The following CUBN variants were observed in gnomAD, a reference collection of about 807,000 sequenced individuals.
CUBN encodes cubilin.
Under a neutral mutation model 405.3 loss-of-function variants are expected in CUBN, and 282 were observed. The ratio of observed to expected loss-of-function variants is 0.70; its 90% CI spans 0.63 to 0.77. The LOEUF (loss-of-function observed/expected upper bound fraction) is 0.77. CUBN is among the 30% of genes least tolerant of loss of function. CUBN has a pLI of 0.00. For synonymous variants in CUBN, 1,684 were observed against 1,617.0 expected, an observed-to-expected ratio of 1.04 and a Z score of -0.99; for missense variants, 4,514 against 4,475.2, an observed-to-expected ratio of 1.01 and a Z score of -0.25.
intron 31 of CUBN, chr10:16,966,006 T>G: frequency 2.1e-6 from 1 of 471,100 alleles, no homozygotes; most frequent in South Asian, 1.5e-5. Context: ...CAAGTTGTAT[T>G]CATTCAGTTA....
chr10:16,898,060 T>TTATATG (rs1303110352), intron 54 of CUBN, among the ~76,000 whole-genome samples: 6 of 50,548 alleles, frequency 1.2e-4, no homozygotes, highest in African/African-American at 4.0e-4. Flanking sequence ...ATGTATTTTA[T>TTATATG]TATATGTATA....
chr10:17,054,670 G>A (rs1016571124), intron 22 of CUBN, among the ~76,000 whole-genome samples: 1 of 151,866 alleles, frequency 6.6e-6, no homozygotes, highest in African/African-American at 2.4e-5. Context: ...TAAAATAATA[G>A]AAAGACACCA....
intron 28 of CUBN, among the ~76,000 whole-genome samples, chr10:17,014,431 C>T (rs560825341): frequency 3.3e-5 from 5 of 152,218 alleles, no homozygotes; most frequent in Admixed American, 2.0e-4. Flanking sequence ...TATAGAGGGG[C>T]CTGGCTATCT....
intron 28 of CUBN, among the ~76,000 whole-genome samples, chr10:17,018,415 G>A (rs989060261): frequency 1.3e-5 from 2 of 152,224 alleles, no homozygotes; most frequent in East Asian, 1.9e-4. Context: ...TCCGGATTTT[G>A]TTTGTTCAGA....
intron 17 of CUBN, among the ~76,000 whole-genome samples, chr10:17,077,138 T>C (rs753973321): frequency 3.9e-5 from 6 of 152,206 alleles, no homozygotes; most frequent in Non-Finnish European, 5.9e-5. Context: ...CAATTCAAAA[T>C]TCTAGTGTTT....
intron 36 of CUBN, among the ~76,000 whole-genome samples, chr10:16,941,042 G>C (rs1842637496): frequency 6.6e-6 from 1 of 152,172 alleles, no homozygotes; most frequent in African/African-American, 2.4e-5. Flanking sequence ...GATGTTCATA[G>C]GTAACATATC....
chr10:17,023,199 G>C (rs1283835383), intron 27 of CUBN, among the ~76,000 whole-genome samples: 1 of 67,426 alleles, frequency 1.5e-5, no homozygotes, highest in Admixed American at 1.8e-4. Flanking sequence ...AGTACTGGGT[G>C]GGGGTGGAGG....
In CUBN at chr10:17,115,635, C is replaced by T. The variant is rs181746928; in HGVS notation, c.594-38G>A. 8,864 of 1,612,684 alleles carry T rather than the reference C, an allele frequency of 5.5e-3. 34 individuals are homozygous for T. The highest frequency in any genetic ancestry group is 6.8e-3 in the Non-Finnish European group (7,997 of 1,178,714). On this transcript the variant is annotated intron_variant, in intron 6 of 66. Transcript: ENST00000377833. ...CAAGAGCACAATGTCAGGGCACGCG[C>T]TTTGGGGCCAGTGCCTGTCTCTTAA... is the stretch of plus-strand genomic sequence containing the variant.
chr10:16,891,587 A>G (rs995358597), intron 54 of CUBN, among the ~76,000 whole-genome samples: 4 of 152,214 alleles, frequency 2.6e-5, no homozygotes, highest in African/African-American at 9.6e-5. Context: ...AATAGGAGTC[A>G]GAAAGGATGC....
At chr10:16,864,095 C>T (rs1004691845) in intron 59 of CUBN, among the ~76,000 whole-genome samples, 2 of 152,114 alleles carry the variant, frequency 1.3e-5, no homozygotes. Context: ...ATTATTATAT[C>T]TCATTATAAA....
chr10:16,971,386 G>T (rs1030430441), intron 31 of CUBN, among the ~76,000 whole-genome samples: 1 of 152,196 alleles, frequency 6.6e-6, no homozygotes, highest in African/African-American at 2.4e-5. Flanking sequence ...CAAGCTTCCA[G>T]CCTTGCCAGG....
At position 17,047,536 on chromosome 10, in the gene CUBN, G is replaced by A. The variant is rs1279551852; in HGVS notation, c.3207C>T (p.Pro1069=). 5 of 1,613,882 alleles carry A rather than the reference G, an allele frequency of 3.1e-6. No homozygotes were observed. Among genetic ancestry groups the A allele is most frequent in the Non-Finnish European group, 4.2e-6 (5 of 1,179,902 alleles). The change falls in exon 23 of 67, where the codon CCC becomes CCT. Residue 1069 remains proline, a synonymous_variant. Coordinates refer to ENST00000377833, the MANE Select transcript of CUBN (RefSeq NM_001081.4). The part of the protein sequence containing the change: ...FTSPNFPNNY[P]NNWECIYRIT... The stretch of plus-strand genomic sequence containing the variant: ...TCCGATAAATGCATTCCCAGTTGTT[G>A]GGATAATTATTGGGGAAGTTTGGAG...
chr10:16,970,232 C>T (rs41526049), intron 31 of CUBN, among the ~76,000 whole-genome samples: 30,207 of 152,166 alleles, frequency 0.2, 3,139 homozygotes, highest in African/African-American at 0.21. Flanking sequence ...TAACACTTTT[C>T]CTTCTATTGA....
intron 64 of CUBN, 38 bp from the exon 65 acceptor site, chr10:16,831,455 T>A: frequency 1.3e-6 from 2 of 1,553,864 alleles, no homozygotes; most frequent in South Asian, 1.1e-5. Context: ...ACTTACACTT[T>A]CTTCTCTAAG....
intron 60 of CUBN, among the ~76,000 whole-genome samples, chr10:16,843,542 C>G (rs1302693999): frequency 6.6e-6 from 1 of 152,194 alleles, no homozygotes; most frequent in African/African-American, 2.4e-5. Context: ...ATCTTCACCC[C>G]TTTGTTTCAT....
Position 17,068,690 on chromosome 10 carries a change from C to A in CUBN, c.2706G>T (p.Val902=), listed in dbSNP as rs375569366. The A allele has an allele frequency of 6.2e-7, 1 of 1,612,198 alleles. No homozygotes were observed. Among genetic ancestry groups the A allele is most frequent in the Non-Finnish European group, 8.5e-7 (1 of 1,178,596 alleles). The stretch of plus-strand genomic sequence containing the variant: ...CGAATGTGACATAAAGAAAATTGTA[C>A]ACAGATGTTATAAATGAAGGTATGT... The part of the protein sequence containing the change: ...GTDIPSFITS[V]YNFLYVTFVK... Residue 902 remains valine (V), a synonymous_variant, in exon 20 of 67, where the codon GTG becomes GTT. Transcript: ENST00000377833.
At chr10:16,979,569 C>T (rs1833204302) in intron 31 of CUBN, among the ~76,000 whole-genome samples, 2 of 152,078 alleles carry the variant, frequency 1.3e-5, no homozygotes, top group South Asian at 4.1e-4. Flanking sequence ...TTTAACAAAC[C>T]TGACAAAAAC....
chr10:16,913,894 C>A lies in CUBN; in HGVS notation c.7450G>T (p.Ala2484Ser). The change falls in exon 48 of 67, where the codon GCC becomes TCC. Residue 2484 changes from alanine (A) to serine (S), a missense_variant. Physicochemically the swap from Ala to Ser is moderately conservative, Grantham distance 99 (BLOSUM62 1). Around this residue, in one of 5 missense-constraint regions of CUBN, gnomAD observed 1,613 missense variants for 1,542.8 expected, o/e 1.05. Transcript: ENST00000377833. Reference protein sequence around the residue: ...HGRICEWRITAPEGRRITLMF... With the variant: ...HGRICEWRITSPEGRRITLMF... The stretch of plus-strand genomic sequence containing the variant: ...AGGGTGATCCGCCTTCCCTCCGGGG[C>A]AGTGATTCTCCACTCGCAGATCCGG... The A allele has an allele frequency of 1.2e-6, 2 of 1,614,072 alleles. No homozygotes were observed. Among genetic ancestry groups the A allele is most frequent in the South Asian group, 2.2e-5 (2 of 91,070 alleles).
At chr10:16,988,721 A>T (rs1050656320) in intron 29 of CUBN, among the ~76,000 whole-genome samples, 2 of 152,172 alleles carry the variant, frequency 1.3e-5, no homozygotes, top group Admixed American at 6.5e-5. Context: ...TGTAACGTCC[A>T]TACTATTCAT....
Sources: allele counts gnomAD v4.1 joint callset (sites outside exome capture counted in the v4.1 genomes callset), GRCh38; gene constraint gnomAD v4.1.1; regional missense constraint gnomAD v4.1.1; transcripts MANE v1.5; gene names NCBI Gene and HGNC (gene_info 2026-07-23, HGNC 2026-07-21).